The following THEMIS variants were observed in gnomAD, a reference collection of about 807,000 sequenced individuals.
The protein encoded by THEMIS is protein THEMIS.
THEMIS carries 37 observed loss-of-function variants against 52.6 expected under a neutral mutation model. That is an observed-to-expected ratio of 0.70 (90% CI 0.54 to 0.93). The LOEUF is 0.93. Among genes scored for constraint, THEMIS ranks in the 40% least tolerant of loss-of-function variants. The probability of loss-of-function intolerance (pLI) is 0.00; values close to 1 mark genes in which losing one functional copy is unlikely to be tolerated. For synonymous variants in THEMIS, 292 were observed against 272.7 expected (o/e 1.07, Z -0.70); for missense variants, 808 against 763.1 (o/e 1.06, Z -0.69).
At chr6:127,703,069 A>T in the THEMIS span, among the ~76,000 whole-genome samples, 1 of 34,512 alleles carries the variant, frequency 2.9e-5, no homozygotes, top group Non-Finnish European at 7.2e-5. Flanking sequence ...TTTTTTTGAG[A>T]CGGAGTCTCG....
chr6:127,737,821 C>T (rs1775059195), intron 4 of THEMIS, among the ~76,000 whole-genome samples: 1 of 152,056 alleles, frequency 6.6e-6, no homozygotes, highest in Non-Finnish European at 1.5e-5. Flanking sequence ...TAATTTGTAC[C>T]TCTAACAAAT....
intron 4 of THEMIS, among the ~76,000 whole-genome samples, chr6:127,731,864 A>ATTTTTTTTTTTTTTTTTTTTTTTTTC (rs58263706): frequency 2.4e-5 from 1 of 41,704 alleles, no homozygotes; most frequent in Non-Finnish European, 3.8e-5. Flanking sequence ...TGCCCGGCTA[A>ATTTTTTTTTTTTTTTTTTTTTTTTTC]TTTTTTTTTT....
rs76600997 is a variant in THEMIS at position 127,761,083 on chromosome 6, A to G, written c.1759-41260T>C. Among the ~76,000 whole-genome samples the G allele has an allele frequency of 1.9e-4, 29 of 152,306 alleles. No homozygotes were observed. The East Asian group carries it at 5.0e-3, about 26-fold the overall frequency. ...TTAATATCCAAAAAACTGATTAAAA[A>G]TGGACTAAGGACTTAAGGAGACATT... On this transcript the variant is annotated intron_variant, in intron 4 of 5. Transcript: ENST00000368248.
intron 1 of THEMIS, among the ~76,000 whole-genome samples, chr6:127,917,494 T>G (rs1202426475): frequency 1.3e-5 from 2 of 152,200 alleles, no homozygotes; most frequent in East Asian, 3.8e-4. Flanking sequence ...GCCTTTCACA[T>G]TAACTCCAAA....
chr6:127,864,451 G>A lies in THEMIS; in HGVS notation c.92-9263C>T, dbSNP rs201484860. Among the ~76,000 whole-genome samples the A allele has an allele frequency of 4.6e-5, 7 of 152,236 alleles. No individual in the cohort carries two copies. In the East Asian group the frequency reaches 1.4e-3, roughly 29 times the overall value. On this transcript the variant is annotated intron_variant, in intron 1 of 5. Transcript: ENST00000368248. ...TATGCTTTGCAGTTAGTTTGAAAGG[G>A]AATAAAATAATCTTAGACTATCTTC...
chr6:127,771,382 A>G (rs955472083), intron 4 of THEMIS, among the ~76,000 whole-genome samples: 4 of 152,132 alleles, frequency 2.6e-5, no homozygotes, highest in Admixed American at 6.5e-5. Context: ...TAAGCTACCA[A>G]TGATTTTCTT....
chr6:127,795,955 A>G (rs1169956490), intron 4 of THEMIS, among the ~76,000 whole-genome samples: 1 of 152,220 alleles, frequency 6.6e-6, no homozygotes, highest in Non-Finnish European at 1.5e-5. Context: ...TTTAGTCAAT[A>G]TGTGGTACTG....
At chr6:127,898,033 T>A (rs1469467169) in intron 1 of THEMIS, among the ~76,000 whole-genome samples, 1 of 151,688 alleles carries the variant, frequency 6.6e-6, no homozygotes, top group Admixed American at 6.6e-5. Context: ...GAATACATAC[T>A]GTAATTTTCC....
rs1171479540 is a variant in THEMIS, at chr6:127,820,191, CA to C, written c.710-6261del. Among the ~76,000 whole-genome samples, 6 of 151,836 alleles carry C rather than the reference CA, an allele frequency of 4.0e-5. No individual in the cohort carries two copies. The East Asian group carries it at 1.2e-3, about 29-fold the overall frequency. On this transcript the variant is annotated intron_variant, in intron 3 of 5. Coordinates refer to ENST00000368248, the MANE Select transcript of THEMIS (RefSeq NM_001010923.3). ...GCTAAGAGAAAAGAGAAAGTGGAAT[CA>C]CATAAAAGCCTCAATTAAAATTACA...
intron 1 of THEMIS, among the ~76,000 whole-genome samples, chr6:127,873,546 T>C (rs560402021): frequency 6.6e-6 from 1 of 152,314 alleles, no homozygotes; most frequent in South Asian, 2.1e-4. Flanking sequence ...AAAAGCAAGC[T>C]TTTTAAAGAA....
chr6:127,780,533 C>A (rs1776708052), intron 4 of THEMIS, among the ~76,000 whole-genome samples: 1 of 152,128 alleles, frequency 6.6e-6, no homozygotes, highest in Non-Finnish European at 1.5e-5. Flanking sequence ...GTGGCTGGTA[C>A]CAGTTTTTCC....
intron 4 of THEMIS, among the ~76,000 whole-genome samples, chr6:127,803,463 T>C (rs1451730814): frequency 6.6e-6 from 1 of 152,208 alleles, no homozygotes; most frequent in African/African-American, 2.4e-5. Context: ...CCTGAACACA[T>C]TAACCCTTTA....
At chr6:127,912,959 T>C (rs2114534945) in intron 1 of THEMIS, among the ~76,000 whole-genome samples, 1 of 152,332 alleles carries the variant, frequency 6.6e-6, no homozygotes, top group East Asian at 1.9e-4. Flanking sequence ...TCTTCTCGTC[T>C]AAGCAAAGTG....
intron 1 of THEMIS, among the ~76,000 whole-genome samples, chr6:127,864,189 T>C (rs538450606): frequency 1.1e-4 from 17 of 152,120 alleles, no homozygotes; most frequent in African/African-American, 3.6e-4. Flanking sequence ...CTATAGTAGA[T>C]TATAGACCAA....
chr6:127,764,678 C>T (rs1776134107), intron 4 of THEMIS, among the ~76,000 whole-genome samples: 1 of 152,018 alleles, frequency 6.6e-6, no homozygotes, highest in Non-Finnish European at 1.5e-5. Context: ...GACTATGGCT[C>T]AAGAACAGTT....
intron 3 of THEMIS, among the ~76,000 whole-genome samples, chr6:127,820,362 A>C (rs1194844647): frequency 1.3e-5 from 2 of 152,124 alleles, no homozygotes; most frequent in East Asian, 3.8e-4. Flanking sequence ...GGTATAATCC[A>C]GATGGCAAGG....
the THEMIS span, among the ~76,000 whole-genome samples, chr6:127,700,891 T>G: frequency 6.6e-6 from 1 of 152,134 alleles, no homozygotes; most frequent in Admixed American, 6.5e-5. Context: ...CAATCAGAAA[T>G]ATAACATTGT....
intron 4 of THEMIS, among the ~76,000 whole-genome samples, chr6:127,769,033 T>C (rs1776289518): frequency 6.6e-6 from 1 of 152,220 alleles, no homozygotes; most frequent in Non-Finnish European, 1.5e-5. Context: ...TCATTTCGTA[T>C]TTACTTTGTA....
At chr6:127,829,360 C>G (rs551864682) in intron 3 of THEMIS, 116 bp downstream of exon 3, 3 of 804,180 alleles carry the variant, frequency 3.7e-6, no homozygotes, top group South Asian at 3.7e-5. Context: ...ATCTAACTCT[C>G]ACAGGCTCAA....
Sources: allele counts gnomAD v4.1 joint callset (sites outside exome capture counted in the v4.1 genomes callset), GRCh38; gene constraint gnomAD v4.1.1; transcripts MANE v1.5; gene names NCBI Gene and HGNC (gene_info 2026-07-23, HGNC 2026-07-21).